Variants in VWA3B observed in about 807,000 individuals in gnomAD.
VWA3B encodes the protein von Willebrand factor A domain containing 3B, also known as von Willebrand factor A domain-containing protein 3B.
Under a neutral mutation model 158.3 loss-of-function variants are expected in VWA3B, and 138 were observed. The ratio of observed to expected loss-of-function variants is 0.87; its 90% confidence interval spans 0.76 to 1.00. VWA3B has a LOEUF of 1.00. Among genes scored for constraint, VWA3B ranks in the 50% least tolerant of loss-of-function variants. The probability of loss-of-function intolerance (pLI) is 0.00; values close to 1 mark genes in which losing one functional copy is unlikely to be tolerated. For synonymous variants in VWA3B, 596 were observed against 587.3 expected, an observed-to-expected ratio of 1.01 and a Z score of -0.21; for missense variants, 1,555 against 1,565.1, an observed-to-expected ratio of 0.99 and a Z score of 0.11.
At chr2:98,140,264 AT>A (rs1676669065) in intron 7 of VWA3B, among the ~76,000 whole-genome samples, 1 of 152,124 alleles carries the variant, frequency 6.6e-6, no homozygotes, top group Admixed American at 6.5e-5. Flanking sequence ...TGCCTTAGAG[AT>A]TCTCCTTCCT....
At chr2:98,314,230 T>G (rs770371138), downstream of VWA3B, among the ~76,000 whole-genome samples, 1 of 152,184 alleles carries the variant, frequency 6.6e-6, no homozygotes, top group Non-Finnish European at 1.5e-5. Flanking sequence ...TTTACCAGGG[T>G]CAGGGCTGGT....
At chr2:98,198,979 C>T (rs1348054712) in intron 12 of VWA3B, among the ~76,000 whole-genome samples, 4 of 151,430 alleles carry the variant, frequency 2.6e-5, no homozygotes, top group South Asian at 2.1e-4. Context: ...ACCAGCTACT[C>T]GGGAGGCTGA....
chr2:98,184,190 G>A (rs1481721380), intron 9 of VWA3B, among the ~76,000 whole-genome samples: 1 of 152,184 alleles, frequency 6.6e-6, no homozygotes. Context: ...GTGGTGTATG[G>A]TCTGGTGGTT....
chr2:98,128,748 C>G (rs2105015942), intron 6 of VWA3B, among the ~76,000 whole-genome samples: 1 of 152,354 alleles, frequency 6.6e-6, no homozygotes, highest in East Asian at 1.9e-4. Flanking sequence ...TCCAGGCTCT[C>G]TCACTTAGAA....
chr2:98,093,316 C>T (rs779665207), intron 2 of VWA3B, 28 bp downstream of exon 2: 1 of 1,607,914 alleles, frequency 6.2e-7, no homozygotes, highest in South Asian at 1.1e-5. Context: ...AACCAGCATG[C>T]TGCCATTTAG....
intron 9 of VWA3B, among the ~76,000 whole-genome samples, chr2:98,186,708 CT>C (rs1681091587): frequency 6.6e-6 from 1 of 152,096 alleles, no homozygotes; most frequent in African/African-American, 2.4e-5. Context: ...ATGGTCTTGG[CT>C]GCCCGGGGCC....
chr2:98,318,525 A>G, the VWA3B span, among the ~76,000 whole-genome samples: 1 of 152,214 alleles, frequency 6.6e-6, no homozygotes, highest in Non-Finnish European at 1.5e-5. Context: ...AATGATGAGA[A>G]CACATGGACA....
chr2:98,236,294 C>A, intron 17 of VWA3B, 96 bp from the exon 18 acceptor site: 1 of 1,296,156 alleles, frequency 7.7e-7, no homozygotes, highest in Non-Finnish European at 1.1e-6. Flanking sequence ...TATTAGCTCT[C>A]AGTCACAGCT....
intron 8 of VWA3B, among the ~76,000 whole-genome samples, chr2:98,165,516 C>T (rs544315072): frequency 6.2e-4 from 95 of 152,224 alleles, no homozygotes; most frequent in African/African-American, 2.0e-3. Context: ...GCTGCAGTGC[C>T]TCCTGGGTTA....
chr2:98,296,273 C>T (rs967183677), intron 23 of VWA3B, among the ~76,000 whole-genome samples: 5 of 152,168 alleles, frequency 3.3e-5, no homozygotes, highest in African/African-American at 4.8e-5. Context: ...GTGGGAGGGA[C>T]GTGGGGCACA....
chr2:98,130,862 C>A (rs1477172389), intron 6 of VWA3B, among the ~76,000 whole-genome samples: 1 of 152,220 alleles, frequency 6.6e-6, no homozygotes, highest in East Asian at 1.9e-4. Context: ...GCATGCATAG[C>A]ATGTGGAATG....
chr2:98,132,640 G>A (rs1430042261), intron 6 of VWA3B, among the ~76,000 whole-genome samples: 3 of 152,204 alleles, frequency 2.0e-5, no homozygotes, highest in Admixed American at 6.5e-5. Context: ...AAGGTCCTGG[G>A]TGCCAAAGGC....
chr2:98,155,888 T>C (rs1678025444), intron 7 of VWA3B, among the ~76,000 whole-genome samples: 1 of 151,706 alleles, frequency 6.6e-6, no homozygotes, highest in African/African-American at 2.4e-5. Flanking sequence ...ATCACCCAAC[T>C]TTTTTTTTCT....
chr2:98,126,143 G>T (rs754560028), intron 5 of VWA3B, among the ~76,000 whole-genome samples: 2 of 152,200 alleles, frequency 1.3e-5, no homozygotes, highest in Non-Finnish European at 2.9e-5. Context: ...TGAACTTAAT[G>T]AATAGTGAAT....
intron 10 of VWA3B, among the ~76,000 whole-genome samples, chr2:98,191,471 G>C (rs1681564404): frequency 6.6e-6 from 1 of 152,170 alleles, no homozygotes; most frequent in Non-Finnish European, 1.5e-5. Flanking sequence ...TCTTGATACA[G>C]TCAAGTTACT....
the VWA3B span, among the ~76,000 whole-genome samples, chr2:98,329,236 A>G: frequency 6.6e-6 from 1 of 152,250 alleles, no homozygotes; most frequent in Non-Finnish European, 1.5e-5. Context: ...ACTACAAAAT[A>G]TCTAAAACTT....
At chr2:98,261,951 T>C (rs1191270602) in intron 21 of VWA3B, among the ~76,000 whole-genome samples, 1 of 151,790 alleles carries the variant, frequency 6.6e-6, no homozygotes, top group African/African-American at 2.4e-5. Flanking sequence ...CAACACTTCT[T>C]ATTTTCTATT....
chr2:98,210,617 A>G (rs1208394400), intron 12 of VWA3B, among the ~76,000 whole-genome samples: 3 of 152,154 alleles, frequency 2.0e-5, no homozygotes, highest in African/African-American at 7.2e-5. Context: ...TGAGTCTGAG[A>G]AAGTCTTAAT....
chr2:98,140,178 A>G (rs1416270634), intron 7 of VWA3B, among the ~76,000 whole-genome samples: 1 of 152,172 alleles, frequency 6.6e-6, no homozygotes, highest in African/African-American at 2.4e-5. Flanking sequence ...GAGCTGTAAC[A>G]CGCACCGCGA....
Sources: gnomAD v4.1 joint callset for allele counts (sites outside exome capture counted in the v4.1 genomes callset) on GRCh38, gnomAD v4.1.1 for gene constraint, MANE v1.5 for transcripts, NCBI Gene and HGNC (gene_info 2026-07-23, HGNC 2026-07-21) for gene names.